Variants in DLC1 observed in about 807,000 individuals in gnomAD.
The protein encoded by DLC1 is DLC1 Rho GTPase activating protein.
DLC1 carries 54 observed loss-of-function variants against 140.3 expected under a neutral mutation model. The observed-to-expected ratio is 0.38, with a 90% confidence interval of 0.31 to 0.48. DLC1 has a LOEUF of 0.48. Ranked by LOEUF, DLC1 falls within the 20% of genes least tolerant of loss-of-function variation. The pLI is 0.96. For missense variants in DLC1, 2,536 were observed against 1,907.0 expected, an observed-to-expected ratio of 1.33 and a Z score of -6.14; for synonymous variants, 986 against 728.1, an observed-to-expected ratio of 1.35 and a Z score of -5.70.
intron 7 of DLC1, among the ~76,000 whole-genome samples, chr8:13,110,420 A>T (rs1819988885): frequency 6.6e-6 from 1 of 152,162 alleles, no homozygotes; most frequent in Admixed American, 6.5e-5. Context: ...GAACATGCTT[A>T]ATTTCCATCG....
intron 5 of DLC1, among the ~76,000 whole-genome samples, chr8:13,193,527 C>A (rs1826877687): frequency 2.0e-5 from 3 of 152,136 alleles, no homozygotes; most frequent in Admixed American, 6.5e-5. Flanking sequence ...CTACTCCCTC[C>A]CACCATTTCC....
At chr8:13,187,593 C>T (rs1826456992) in intron 5 of DLC1, among the ~76,000 whole-genome samples, 1 of 152,142 alleles carries the variant, frequency 6.6e-6, no homozygotes, top group Non-Finnish European at 1.5e-5. Context: ...CAGAGAAAGA[C>T]ACTTAGCCAA....
chr8:13,088,847 A>G, intron 15 of DLC1, 143 bp from the exon 16 acceptor site: 1 of 629,084 alleles, frequency 1.6e-6, no homozygotes, highest in South Asian at 2.4e-5. Flanking sequence ...CTATATAATC[A>G]GTATATAAAG....
intron 4 of DLC1, among the ~76,000 whole-genome samples, chr8:13,352,655 C>T (rs888396289): frequency 6.6e-6 from 1 of 152,122 alleles, no homozygotes; most frequent in African/African-American, 2.4e-5. Flanking sequence ...ACTGGGACTA[C>T]AGAGGGGGCT....
intron 5 of DLC1, among the ~76,000 whole-genome samples, chr8:13,212,848 T>C (rs955569398): frequency 2.6e-5 from 4 of 152,150 alleles, no homozygotes; most frequent in African/African-American, 9.6e-5. Flanking sequence ...TCCAGAAATG[T>C]TTTCCGTTTG....
intron 1 of DLC1, among the ~76,000 whole-genome samples, chr8:13,538,566 G>C (rs1350582507): frequency 1.3e-5 from 2 of 152,138 alleles, no homozygotes; most frequent in Non-Finnish European, 2.9e-5. Flanking sequence ...TCTTTACCCA[G>C]TTAAGTGAGG....
chr8:13,309,189 T>G (rs1455637248), intron 4 of DLC1, among the ~76,000 whole-genome samples: 1 of 152,196 alleles, frequency 6.6e-6, no homozygotes, highest in Non-Finnish European at 1.5e-5. Flanking sequence ...AATAAAGCAA[T>G]TAAATAGGAT....
chr8:13,278,097 C>T (rs138671968), intron 5 of DLC1, among the ~76,000 whole-genome samples: 1 of 152,306 alleles, frequency 6.6e-6, no homozygotes, highest in African/African-American at 2.4e-5. Flanking sequence ...TCATGAATGT[C>T]CCCCATTGAG....
chr8:13,179,495 C>A (rs1488546311), intron 5 of DLC1, among the ~76,000 whole-genome samples: 1 of 151,970 alleles, frequency 6.6e-6, no homozygotes, highest in Non-Finnish European at 1.5e-5. Flanking sequence ...CTGAGGCAGA[C>A]AGATTGCTTG....
intron 4 of DLC1, among the ~76,000 whole-genome samples, chr8:13,319,478 G>T (rs896030797): frequency 5.0e-4 from 58 of 115,632 alleles, no homozygotes; most frequent in Non-Finnish European, 6.4e-4. Flanking sequence ...GCGGGGCGGG[G>T]GGGGGGGGTG....
At chr8:13,355,074 A>G (rs748728444) in intron 4 of DLC1, among the ~76,000 whole-genome samples, 1 of 151,816 alleles carries the variant, frequency 6.6e-6, no homozygotes, top group Non-Finnish European at 1.5e-5. Context: ...TGCACTATCA[A>G]TTAAAAAATA....
chr8:13,226,940 C>A (rs1828819059), intron 5 of DLC1, among the ~76,000 whole-genome samples: 1 of 152,068 alleles, frequency 6.6e-6, no homozygotes, highest in Non-Finnish European at 1.5e-5. Flanking sequence ...GCTGGAACCA[C>A]CATGGACTGA....
chr8:13,368,140 G>A (rs188352524), intron 4 of DLC1, among the ~76,000 whole-genome samples: 3 of 152,234 alleles, frequency 2.0e-5, no homozygotes, highest in African/African-American at 7.2e-5. Context: ...GAAAGTTAGA[G>A]CTCTTCTGTT....
chr8:13,315,104 A>T (rs1422404544), intron 4 of DLC1, among the ~76,000 whole-genome samples: 2 of 152,196 alleles, frequency 1.3e-5, no homozygotes, highest in African/African-American at 4.8e-5. Context: ...GAAGTTTATG[A>T]CACTGAAGAC....
intron 4 of DLC1, among the ~76,000 whole-genome samples, chr8:13,326,365 G>C (rs1833347717): frequency 6.6e-6 from 1 of 152,020 alleles, no homozygotes; most frequent in African/African-American, 2.4e-5. Flanking sequence ...TAAGAGTTGG[G>C]GACATGTTAT....
intron 2 of DLC1, among the ~76,000 whole-genome samples, chr8:13,490,205 A>G (rs1801172032): frequency 6.6e-6 from 1 of 152,230 alleles, no homozygotes; most frequent in Non-Finnish European, 1.5e-5. Context: ...ATGTGCATAA[A>G]AAGCTGCAAA....
At chr8:13,416,131 C>T (rs181497703) in intron 2 of DLC1, among the ~76,000 whole-genome samples, 5 of 152,296 alleles carry the variant, frequency 3.3e-5, no homozygotes, top group African/African-American at 4.8e-5. Context: ...CTGATGCTGG[C>T]GTCTAGGGGT....
intron 5 of DLC1, among the ~76,000 whole-genome samples, chr8:13,198,870 C>G (rs760661319): frequency 6.6e-6 from 1 of 152,042 alleles, no homozygotes; most frequent in Non-Finnish European, 1.5e-5. Flanking sequence ...ATGTGCACCA[C>G]CACACCCAGC....
At chr8:13,571,968 C>T (rs1179635610) in intron 1 of DLC1, among the ~76,000 whole-genome samples, 1 of 152,058 alleles carries the variant, frequency 6.6e-6, no homozygotes, top group African/African-American at 2.4e-5. Flanking sequence ...TGATGCTAAA[C>T]AGTTTTTCAT....
Sources: gnomAD v4.1 joint callset for allele counts (sites outside exome capture counted in the v4.1 genomes callset) on GRCh38, gnomAD v4.1.1 for gene constraint, MANE v1.5 for transcripts, NCBI Gene and HGNC (gene_info 2026-07-23, HGNC 2026-07-21) for gene names.